NBAS: variants seen among roughly 807,000 people sequenced by gnomAD.
The protein encoded by NBAS is NAG/BC035112 fusion.
NBAS carries 219 observed loss-of-function variants against 302.5 expected under a neutral mutation model. The ratio of observed to expected loss-of-function variants is 0.72; its 90% CI spans 0.65 to 0.81. The LOEUF is 0.81. Among genes scored for constraint, NBAS ranks in the 30% least tolerant of loss-of-function variants. NBAS has a pLI of 0.00. For missense variants in NBAS, 2,932 were observed against 2,841.6 expected (o/e 1.03, Z -0.72); for synonymous variants, 1,118 against 1,021.6 (o/e 1.09, Z -1.80).
intron 42 of NBAS, among the ~76,000 whole-genome samples, chr2:15,285,529 G>A (rs1669999329): frequency 6.6e-6 from 1 of 152,060 alleles, no homozygotes; most frequent in Admixed American, 6.6e-5. Flanking sequence ...TCATCTATGT[G>A]CGTATGACTC....
the NBAS span, among the ~76,000 whole-genome samples, chr2:15,133,991 T>C: frequency 6.6e-6 from 1 of 151,822 alleles, no homozygotes; most frequent in Non-Finnish European, 1.5e-5. Context: ...CCCACTTCCA[T>C]GCCCACTGCC....
chr2:15,295,750 A>T (rs2148121613), intron 40 of NBAS, among the ~76,000 whole-genome samples: 1 of 152,322 alleles, frequency 6.6e-6, no homozygotes, highest in South Asian at 2.1e-4. Context: ...CTCTTGCACA[A>T]ATCAGGTACA....
At chr2:15,534,148 C>T (rs111362367) in intron 9 of NBAS, among the ~76,000 whole-genome samples, 12 of 152,130 alleles carry the variant, frequency 7.9e-5, no homozygotes, top group South Asian at 4.2e-4. Context: ...ATCAGTGCAG[C>T]GGTAACTAGC....
chr2:15,512,329 G>T (rs1290602034), intron 9 of NBAS, among the ~76,000 whole-genome samples: 2 of 152,150 alleles, frequency 1.3e-5, no homozygotes, highest in African/African-American at 2.4e-5. Flanking sequence ...ACCAGTGGAG[G>T]TGTATGCCCA....
the NBAS span, among the ~76,000 whole-genome samples, chr2:14,782,322 G>C: frequency 6.6e-6 from 1 of 152,084 alleles, no homozygotes; most frequent in South Asian, 2.1e-4. Flanking sequence ...CTTTTCAAAA[G>C]AGGACATACA....
At chr2:15,131,735 G>A in the NBAS span, among the ~76,000 whole-genome samples, 6 of 152,144 alleles carry the variant, frequency 3.9e-5, no homozygotes, top group African/African-American at 1.4e-4. Context: ...ATAAAGAAAA[G>A]CAGTTTAATT....
At chr2:15,041,265 G>C in the NBAS span, among the ~76,000 whole-genome samples, 59 of 152,342 alleles carry the variant, frequency 3.9e-4, no homozygotes, top group African/African-American at 1.4e-3. Context: ...CTCAGGAATA[G>C]AAGAAGTGAG....
chr2:15,153,754 G>A, the NBAS span, among the ~76,000 whole-genome samples: 1 of 152,198 alleles, frequency 6.6e-6, no homozygotes, highest in Non-Finnish European at 1.5e-5. Context: ...CGTGACCTTG[G>A]AAAATTCACT....
At chr2:15,062,987 C>G in the NBAS span, among the ~76,000 whole-genome samples, 2 of 152,194 alleles carry the variant, frequency 1.3e-5, no homozygotes, top group African/African-American at 2.4e-5. Flanking sequence ...CTGACAGATG[C>G]ATCTAGCTAT....
At chr2:15,191,718 T>A (rs545117702) in intron 48 of NBAS, among the ~76,000 whole-genome samples, 13 of 152,204 alleles carry the variant, frequency 8.5e-5, no homozygotes, top group Non-Finnish European at 1.9e-4. Context: ...GAAGATTCAA[T>A]AAGCTACATA....
the NBAS span, among the ~76,000 whole-genome samples, chr2:15,082,796 T>A: frequency 6.6e-6 from 1 of 152,196 alleles, no homozygotes; most frequent in Non-Finnish European, 1.5e-5. Flanking sequence ...CATTTACTCC[T>A]CCTGGTATCT....
intron 40 of NBAS, among the ~76,000 whole-genome samples, chr2:15,306,168 A>G (rs1056740481): frequency 6.6e-6 from 1 of 152,246 alleles, no homozygotes; most frequent in Non-Finnish European, 1.5e-5. Context: ...TTTATAATAC[A>G]TATTAATGCA....
At chr2:15,084,206 C>CTA in the NBAS span, among the ~76,000 whole-genome samples, 1 of 152,014 alleles carries the variant, frequency 6.6e-6, no homozygotes, top group Non-Finnish European at 1.5e-5. Flanking sequence ...CCACCACCAC[C>CTA]TATAGTGTAT....
At chr2:14,902,534 T>A in the NBAS span, among the ~76,000 whole-genome samples, 35,820 of 152,042 alleles carry the variant, frequency 0.24, 4,365 homozygotes, top group Non-Finnish European at 0.27. Context: ...TCTGTATATG[T>A]AGACCCATGT....
chr2:15,068,149 T>G, the NBAS span, among the ~76,000 whole-genome samples: 2 of 152,210 alleles, frequency 1.3e-5, no homozygotes, highest in Non-Finnish European at 2.9e-5. Flanking sequence ...GCTTTGCCAC[T>G]TACTGGCTGT....
chr2:14,916,593 T>C, the NBAS span, among the ~76,000 whole-genome samples: 1 of 149,070 alleles, frequency 6.7e-6, no homozygotes, highest in African/African-American at 2.5e-5. Context: ...TATATATATA[T>C]GAATGATAGT....
At chr2:15,251,939 G>A (rs925744850) in intron 44 of NBAS, among the ~76,000 whole-genome samples, 20 of 152,204 alleles carry the variant, frequency 1.3e-4, no homozygotes, top group African/African-American at 3.6e-4. Context: ...TTCAAATGCC[G>A]CTGACACAAG....
the NBAS span, among the ~76,000 whole-genome samples, chr2:14,891,071 A>G: frequency 6.6e-6 from 1 of 152,214 alleles, no homozygotes; most frequent in Non-Finnish European, 1.5e-5. Context: ...AAGAGAAAAA[A>G]TGATTCTGAA....
chr2:15,093,952 G>A, the NBAS span, among the ~76,000 whole-genome samples: 1 of 152,142 alleles, frequency 6.6e-6, no homozygotes, highest in East Asian at 1.9e-4. Context: ...GATGTAAAGT[G>A]TTATCTCATT....
Sources: allele counts gnomAD v4.1 joint callset (sites outside exome capture counted in the v4.1 genomes callset), GRCh38; gene constraint gnomAD v4.1.1; transcripts MANE v1.5; gene names NCBI Gene and HGNC (gene_info 2026-07-23, HGNC 2026-07-21).